Variants in SORCS1 observed in about 807,000 individuals in gnomAD.
SORCS1 encodes VPS10 domain-containing receptor SorCS1.
In SORCS1, 60 loss-of-function variants were observed where a neutral mutation model predicts 146.1. The observed-to-expected ratio is 0.41, with a 90% CI of 0.33 to 0.51. SORCS1 has a LOEUF of 0.51. SORCS1 is among the 20% of genes least tolerant of loss of function. The pLI is 0.21. For synonymous variants in SORCS1, 637 were observed against 584.0 expected, an observed-to-expected ratio of 1.09 and a Z score of -1.31; for missense variants, 1,352 against 1,487.6, an observed-to-expected ratio of 0.91 and a Z score of 1.50.
intron 1 of SORCS1, among the ~76,000 whole-genome samples, chr10:107,100,588 A>T (rs1037702764): frequency 2.0e-5 from 3 of 152,128 alleles, no homozygotes; most frequent in Non-Finnish European, 4.4e-5. Flanking sequence ...GTATCTAGGG[A>T]CATCAGAGAA....
At chr10:106,654,320 C>T (rs554461888) in intron 17 of SORCS1, among the ~76,000 whole-genome samples, 52 of 152,290 alleles carry the variant, frequency 3.4e-4, no homozygotes, top group Non-Finnish European at 6.2e-4. Flanking sequence ...AATTGAGATT[C>T]ATAGGTGTCA....
At chr10:106,662,415 T>A (rs1834568775) in intron 17 of SORCS1, among the ~76,000 whole-genome samples, 1 of 152,122 alleles carries the variant, frequency 6.6e-6, no homozygotes, top group African/African-American at 2.4e-5. Context: ...CCCACTTAAT[T>A]CATTTTCCCA....
intron 2 of SORCS1, among the ~76,000 whole-genome samples, chr10:106,950,933 A>T (rs1288149154): frequency 6.6e-6 from 1 of 152,176 alleles, no homozygotes; most frequent in African/African-American, 2.4e-5. Context: ...CATTATCATT[A>T]TTATCACTAA....
At chr10:106,868,671 AT>A (rs1950305134) in intron 2 of SORCS1, among the ~76,000 whole-genome samples, 1 of 152,222 alleles carries the variant, frequency 6.6e-6, no homozygotes, top group Admixed American at 6.5e-5. Flanking sequence ...ATATACCAGG[AT>A]ATTTGTGATA....
intron 3 of SORCS1, among the ~76,000 whole-genome samples, chr10:106,804,187 G>A (rs1032529304): frequency 2.0e-5 from 3 of 151,990 alleles, no homozygotes; most frequent in African/African-American, 7.3e-5. Flanking sequence ...GAGTGTGCTT[G>A]GGGACAAATA....
In SORCS1 at chr10:107,044,967, A is replaced by G. The variant is rs1235308171; in HGVS notation, c.559-88387T>C. Among the ~76,000 whole-genome samples, 3 of 152,132 alleles carry G rather than the reference A, an allele frequency of 2.0e-5. No individual in the cohort carries two copies. The East Asian group carries it at 5.8e-4, about 29-fold the overall frequency. On this transcript the variant is annotated intron_variant, in intron 1 of 25. Coordinates refer to ENST00000263054, the MANE Select transcript of SORCS1 (RefSeq NM_052918.5). ...ATGGCATTTGACATAAGGCTTTAGGAATGCATATGAAACTGATAGTGCCCT... is the reference window on the plus strand; with the variant it reads ...ATGGCATTTGACATAAGGCTTTAGGGATGCATATGAAACTGATAGTGCCCT...
chr10:106,622,231 G>A (rs900689891), intron 19 of SORCS1, among the ~76,000 whole-genome samples: 3 of 147,366 alleles, frequency 2.0e-5, no homozygotes, highest in Non-Finnish European at 4.5e-5. Context: ...CAGAGGTTAC[G>A]GTGAGCCAAG....
intron 6 of SORCS1, among the ~76,000 whole-genome samples, chr10:106,716,788 C>T (rs914460378): frequency 6.6e-6 from 1 of 152,176 alleles, no homozygotes; most frequent in Non-Finnish European, 1.5e-5. Flanking sequence ...AACCTTTCCT[C>T]GGGGTCAGGA....
intron 1 of SORCS1, among the ~76,000 whole-genome samples, chr10:107,048,008 G>A (rs910953280): frequency 2.6e-5 from 4 of 152,066 alleles, no homozygotes; most frequent in South Asian, 4.1e-4. Context: ...ACCTGAGCCC[G>A]CGAAGTCAAG....
intron 1 of SORCS1, among the ~76,000 whole-genome samples, chr10:107,144,095 A>G (rs1968087440): frequency 6.6e-6 from 1 of 151,624 alleles, no homozygotes; most frequent in Non-Finnish European, 1.5e-5. Flanking sequence ...TTCCCCTTAG[A>G]GCTTGCTTGT....
rs530758867 is a variant in SORCS1 at position 107,055,254 on chromosome 10, A to G, written c.559-98674T>C. On this transcript the variant is annotated intron_variant, in intron 1 of 25. Transcript: ENST00000263054. Reference sequence around the variant, plus strand: ...TGTTACTTTCCGTGTTCTAAACAACATCAAACTCAACATCAAATTACTAGT... The same window carrying G: ...TGTTACTTTCCGTGTTCTAAACAACGTCAAACTCAACATCAAATTACTAGT... Among the ~76,000 whole-genome samples, 10 of 152,314 alleles carry G rather than the reference A, an allele frequency of 6.6e-5. No homozygotes were observed. The South Asian group carries it at 1.0e-3, about 16-fold the overall frequency.
intron 17 of SORCS1, among the ~76,000 whole-genome samples, chr10:106,656,032 T>C (rs1850258730): frequency 6.6e-6 from 1 of 152,234 alleles, no homozygotes; most frequent in African/African-American, 2.4e-5. Context: ...AAAAGTGCTT[T>C]GTAATGGCAA....
chr10:106,830,188 T>A (rs1948478582), intron 2 of SORCS1, among the ~76,000 whole-genome samples: 1 of 152,202 alleles, frequency 6.6e-6, no homozygotes, highest in Non-Finnish European at 1.5e-5. Flanking sequence ...TGAGATTTCA[T>A]GAATTTCATA....
intron 2 of SORCS1, among the ~76,000 whole-genome samples, chr10:106,901,098 A>G (rs1022973833): frequency 1.3e-5 from 2 of 152,124 alleles, no homozygotes; most frequent in African/African-American, 2.4e-5. Context: ...CCCAGCACCT[A>G]AAATAGCTGA....
At chr10:107,022,047 C>G (rs1958174320) in intron 1 of SORCS1, among the ~76,000 whole-genome samples, 1 of 152,242 alleles carries the variant, frequency 6.6e-6, no homozygotes, top group South Asian at 2.1e-4. Flanking sequence ...AGTTATCTTT[C>G]CATGAGAAGT....
chr10:106,954,602 T>G (rs993553132), intron 2 of SORCS1, among the ~76,000 whole-genome samples: 1 of 152,164 alleles, frequency 6.6e-6, no homozygotes, highest in Non-Finnish European at 1.5e-5. Flanking sequence ...GTTGGCCTTC[T>G]ACTACTATCA....
In SORCS1 at chr10:106,609,469, G is replaced by A. The variant is rs186269469; in HGVS notation, c.3034-2172C>T. On this transcript the variant is annotated intron_variant, in intron 22 of 25. Transcript: ENST00000263054. ...CTGACTCTCAGTTGTACCTCTCATAGGGTTTATTAGTGTACACTTGCCAAT... is the reference window on the plus strand; with the variant it reads ...CTGACTCTCAGTTGTACCTCTCATAAGGTTTATTAGTGTACACTTGCCAAT... 3.7e-3 allele frequency among the ~76,000 whole-genome samples: 560 copies of A among 152,304 alleles called. 2 individuals are homozygous for A. Among genetic ancestry groups the A allele is most frequent in the African/African-American group, 0.013 (531 of 41,554 alleles).
chr10:106,824,697 C>A (rs1011451690), intron 3 of SORCS1, among the ~76,000 whole-genome samples: 3 of 151,886 alleles, frequency 2.0e-5, no homozygotes, highest in African/African-American at 7.3e-5. Flanking sequence ...ATAATCAAAC[C>A]CTTATTTAGA....
Position 107,053,095 on chromosome 10 carries a change from A to G in SORCS1, c.559-96515T>C, listed in dbSNP as rs555670768. 9.2e-5 allele frequency among the ~76,000 whole-genome samples: 14 copies of G among 152,304 alleles called. 1 individual carries two copies. The highest frequency in any genetic ancestry group is 3.4e-4 in the African/African-American group (14 of 41,570). On this transcript the variant is annotated intron_variant, in intron 1 of 25. Coordinates refer to ENST00000263054, the MANE Select transcript of SORCS1 (RefSeq NM_052918.5). ...TCCTATGTGTAAATCAAAAGCCTAC[A>G]GTCCAAAACCATGCTTTTCCCTCGC... is the stretch of plus-strand genomic sequence containing the variant.
Sources: allele counts gnomAD v4.1 joint callset (sites outside exome capture counted in the v4.1 genomes callset), GRCh38; gene constraint gnomAD v4.1.1; transcripts MANE v1.5; gene names NCBI Gene and HGNC (gene_info 2026-07-23, HGNC 2026-07-21).